TG: variants seen among roughly 807,000 people sequenced by gnomAD.
The protein encoded by TG is thyroglobulin.
In TG, 270 loss-of-function variants were observed where a neutral mutation model predicts 324.7. That is an observed-to-expected ratio of 0.83 (90% CI 0.75 to 0.92). The LOEUF (loss-of-function observed/expected upper bound fraction) is 0.92. Among genes scored for constraint, TG ranks in the 40% least tolerant of loss-of-function variants. The pLI is 0.00. For missense variants in TG, 3,591 were observed against 3,456.4 expected, an observed-to-expected ratio of 1.04 and a Z score of -0.98; for synonymous variants, 1,401 against 1,327.0, an observed-to-expected ratio of 1.06 and a Z score of -1.21.
chr8:132,931,717 G>C (rs1241379133), intron 23 of TG, among the ~76,000 whole-genome samples: 1 of 152,074 alleles, frequency 6.6e-6, no homozygotes, highest in Non-Finnish European at 1.5e-5. Flanking sequence ...CCCGAAGCAG[G>C]GATCTGCTTG....
chr8:132,888,624 T>C (rs955801975), intron 10 of TG, 56 bp downstream of exon 10: 9 of 1,499,048 alleles, frequency 6.0e-6, no homozygotes, highest in Non-Finnish European at 8.1e-6. Flanking sequence ...TGTGTGTGTA[T>C]GTGTGTTTAA....
chr8:132,983,758 G>T, intron 35 of TG: 1 of 395,152 alleles, frequency 2.5e-6, no homozygotes, highest in Non-Finnish European at 4.8e-6. Context: ...TGTCAAGAAT[G>T]GTGTTATTTA....
intron 41 of TG, among the ~76,000 whole-genome samples, chr8:133,051,542 A>G (rs535404803): frequency 6.6e-6 from 1 of 152,290 alleles, no homozygotes; most frequent in Non-Finnish European, 1.5e-5. Flanking sequence ...CATCTATTTA[A>G]TAGGGACATT....
At chr8:133,098,322 A>G (rs1175367063) in intron 43 of TG, among the ~76,000 whole-genome samples, 2 of 152,242 alleles carry the variant, frequency 1.3e-5, no homozygotes, top group Non-Finnish European at 2.9e-5. Context: ...CTGAATTATT[A>G]TAAACCCTTT....
intron 24 of TG, among the ~76,000 whole-genome samples, chr8:132,935,355 G>C (rs921307050): frequency 2.6e-5 from 4 of 151,802 alleles, no homozygotes; most frequent in African/African-American, 9.7e-5. Context: ...TGTTGGTCAG[G>C]CTGGTCTTGA....
Position 132,901,531 on chromosome 8 carries a change from C to T in TG, c.3612C>T (p.Thr1204=), listed in dbSNP as rs201353324. 4.5e-5 allele frequency: 73 copies of T among 1,613,076 alleles called. No homozygotes were observed. The highest frequency in any genetic ancestry group is 5.6e-5 in the Non-Finnish European group (66 of 1,179,894). The part of the protein sequence containing the change: ...SGEEVPGTRV[T]GGQPACESPR... ...AAGAGGTGCCTGGGACGCGCGTGAC[C>T]GGGGGCCAGCCCGCCTGTGAGAGTA... Residue 1204 remains threonine, a synonymous_variant, in exon 16 of 48, where the codon ACC becomes ACT. Coordinates refer to ENST00000220616, the MANE Select transcript of TG (RefSeq NM_003235.5).
intron 18 of TG, among the ~76,000 whole-genome samples, chr8:132,910,716 G>A (rs1027609711): frequency 1.3e-5 from 2 of 152,086 alleles, no homozygotes; most frequent in African/African-American, 4.8e-5. Flanking sequence ...CAGAACTTAT[G>A]AGAAAAAAAG....
intron 27 of TG, among the ~76,000 whole-genome samples, chr8:132,958,272 A>G (rs1228833401): frequency 1.3e-5 from 2 of 152,200 alleles, no homozygotes; most frequent in African/African-American, 4.8e-5. Context: ...TTCACTTTAC[A>G]TCTGTATTAC....
chr8:132,917,021 CCATG>C (rs201735528), intron 20 of TG, among the ~76,000 whole-genome samples: 3,493 of 42,358 alleles, frequency 0.082, 195 homozygotes, highest in East Asian at 0.33. Context: ...CTTCCTCCCT[CCATG>C]CCTCCCTCCC....
chr8:132,949,054 GAAA>G lies in TG; in HGVS notation c.5401+124_5401+126del, dbSNP rs34207784. 1,480 of 712,020 alleles carry G rather than the reference GAAA, an allele frequency of 2.1e-3. 1 individual carries two copies. Among genetic ancestry groups the G allele is most frequent in the South Asian group, 6.2e-3 (361 of 58,012 alleles). 44.1% of individuals were successfully genotyped at this position (712,020 alleles called of 1,614,324 possible). ...TGTGGCCTGAGGAGCTTATACTTCTGAAAAAAAAAAAAAAACTTTACCAATCAT... is the reference window on the plus strand; with the variant it reads ...TGTGGCCTGAGGAGCTTATACTTCTGAAAAAAAAAAAACTTTACCAATCAT... On this transcript the variant is annotated intron_variant, in intron 27 of 47. Coordinates refer to ENST00000220616, the MANE Select transcript of TG (RefSeq NM_003235.5).
chr8:132,976,129 C>T (rs892147997), intron 34 of TG, among the ~76,000 whole-genome samples: 9 of 152,112 alleles, frequency 5.9e-5, no homozygotes, highest in Non-Finnish European at 1.3e-4. Flanking sequence ...GTCACGGAAA[C>T]ATGGGAGAAA....
At position 132,913,279 on chromosome 8, in the gene TG, C is replaced by G. The variant is rs761978439; in HGVS notation, c.4378+14C>G. 2.2e-5 allele frequency: 36 copies of G among 1,612,530 alleles called. No individual in the cohort carries two copies. Among genetic ancestry groups the G allele is most frequent in the Non-Finnish European group, 2.8e-5 (33 of 1,179,140 alleles). On this transcript the variant is annotated intron_variant, in intron 20 of 47. Coordinates refer to ENST00000220616, the MANE Select transcript of TG (RefSeq NM_003235.5). ...GACTGGGATGCGGTAGGTCCACTCT[C>G]TCCCTGGATATCTCCTGTGGAGCCA...
intron 41 of TG, among the ~76,000 whole-genome samples, chr8:133,080,519 G>A (rs1845587247): frequency 6.6e-6 from 1 of 152,048 alleles, no homozygotes. Context: ...TCCTCTTTCA[G>A]CCCTGTGTTT....
intron 41 of TG, among the ~76,000 whole-genome samples, chr8:133,059,668 T>C (rs1208060971): frequency 6.6e-6 from 1 of 152,176 alleles, no homozygotes; most frequent in Non-Finnish European, 1.5e-5. Flanking sequence ...GATCCAGCTC[T>C]TGCGGGGCTA....
At chr8:133,008,967 T>C (rs17693908) in intron 35 of TG, among the ~76,000 whole-genome samples, 1 of 152,104 alleles carries the variant, frequency 6.6e-6, no homozygotes, top group Non-Finnish European at 1.5e-5. Flanking sequence ...CTCCCAGATG[T>C]TGGATTCTGC....
At chr8:133,086,019 C>T (rs1588046052) in intron 41 of TG, among the ~76,000 whole-genome samples, 1 of 152,150 alleles carries the variant, frequency 6.6e-6, no homozygotes, top group South Asian at 2.1e-4. Context: ...TTTCTCTATA[C>T]AATTAAGTAT....
chr8:133,059,135 AG>A, intron 41 of TG: 2 of 456,310 alleles, frequency 4.4e-6, no homozygotes, highest in South Asian at 3.1e-5. Flanking sequence ...CATCTGCGCC[AG>A]TGAACTCCGC....
intron 41 of TG, among the ~76,000 whole-genome samples, chr8:133,064,839 A>C (rs1481179400): frequency 6.6e-6 from 1 of 152,058 alleles, no homozygotes; most frequent in Non-Finnish European, 1.5e-5. Context: ...CACCTGGTCC[A>C]TCTTGTGCTT....
Position 133,096,241 on chromosome 8 carries a change from T to C in TG, c.7440T>C (p.Gly2480=). The C allele has an allele frequency of 6.2e-7, 1 of 1,614,178 alleles. No individual in the cohort carries two copies. The highest frequency in any genetic ancestry group is 1.1e-5 in the South Asian group (1 of 91,082). The change falls in exon 43 of 48, where the codon GGT becomes GGC. Residue 2480 remains glycine, a synonymous_variant. Coordinates refer to ENST00000220616, the MANE Select transcript of TG (RefSeq NM_003235.5). The part of the protein sequence containing the change: ...LAVSGPFHYW[G]PVIDGHFLRE... ...TGAGTGGCCCTTTCCACTACTGGGG[T>C]CCTGTGATCGATGGCCACTTCCTCC...
Sources: allele counts gnomAD v4.1 joint callset (sites outside exome capture counted in the v4.1 genomes callset), GRCh38; gene constraint gnomAD v4.1.1; transcripts MANE v1.5; gene names NCBI Gene and HGNC (gene_info 2026-07-23, HGNC 2026-07-21).